RALGAPA1: variants seen among roughly 807,000 people sequenced by gnomAD.
RALGAPA1 encodes Ral GTPase activating protein catalytic subunit alpha 1, also known as ral GTPase-activating protein subunit alpha-1.
A neutral mutation model predicts 269.6 loss-of-function variants in RALGAPA1; 52 were observed. That is an observed-to-expected ratio of 0.19 (90% CI 0.15 to 0.24). The LOEUF (loss-of-function observed/expected upper bound fraction) is 0.24, where lower values mean the gene tolerates loss of function less well. RALGAPA1 is among the 10% of genes least tolerant of loss of function. The pLI, the probability that RALGAPA1 is intolerant of heterozygous loss-of-function variation, is 1.00. For missense variants in RALGAPA1, 1,917 were observed against 3,013.9 expected, an observed-to-expected ratio of 0.64 and a Z score of 8.52; for synonymous variants, 817 against 1,008.3, an observed-to-expected ratio of 0.81 and a Z score of 3.60.
At chr14:35,540,640 A>C (rs1002889175) in intron 41 of RALGAPA1, among the ~76,000 whole-genome samples, 2 of 152,228 alleles carry the variant, frequency 1.3e-5, no homozygotes, top group African/African-American at 4.8e-5. Context: ...TCACATTAAA[A>C]ATAAAAGTCC....
At chr14:35,722,943 C>T in intron 15 of RALGAPA1, 84 bp downstream of exon 15, 4 of 670,902 alleles carry the variant, frequency 6.0e-6, no homozygotes, top group East Asian at 2.6e-5. Context: ...CTTATTTCAC[C>T]CTCACCCCTC....
intron 1 of RALGAPA1, among the ~76,000 whole-genome samples, chr14:35,793,386 C>T (rs2141825386): frequency 6.6e-6 from 1 of 152,034 alleles, no homozygotes; most frequent in South Asian, 2.1e-4. Context: ...TACAGGCATG[C>T]ACCACCATGC....
intron 1 of RALGAPA1, among the ~76,000 whole-genome samples, chr14:35,793,595 A>AAC (rs33911524): frequency 0.24 from 36,169 of 150,112 alleles, 4,976 homozygotes; most frequent in East Asian, 0.47. Context: ...TACACACACA[A>AAC]ACACACACAC....
chr14:35,659,274 A>T, intron 27 of RALGAPA1, 78 bp from the exon 28 acceptor site: 1 of 1,055,084 alleles, frequency 9.5e-7, no homozygotes. Context: ...TTAAGTGGTT[A>T]TTAAAGCAGT....
intron 35 of RALGAPA1, among the ~76,000 whole-genome samples, chr14:35,606,049 T>C (rs2059578212): frequency 2.0e-5 from 3 of 152,220 alleles, no homozygotes; most frequent in South Asian, 2.1e-4. Flanking sequence ...TTAAGAGTTG[T>C]CTGTTTTGCA....
intron 2 of RALGAPA1, 91 bp from the exon 3 acceptor site, chr14:35,775,146 C>A: frequency 1.4e-6 from 1 of 724,394 alleles, no homozygotes; most frequent in South Asian, 1.8e-5. Context: ...TTTTTTTTTT[C>A]CCAGCAATTA....
At chr14:35,742,688 G>A in intron 10 of RALGAPA1, 123 bp from the exon 11 acceptor site, 1 of 678,788 alleles carries the variant, frequency 1.5e-6, no homozygotes, top group Non-Finnish European at 2.6e-6. Flanking sequence ...GCAAAACAAT[G>A]ACATAAAACA....
chr14:35,626,843 T>C (rs527899699), intron 34 of RALGAPA1, among the ~76,000 whole-genome samples: 1 of 152,212 alleles, frequency 6.6e-6, no homozygotes, highest in Non-Finnish European at 1.5e-5. Context: ...AAAAATGAGC[T>C]ATAATTTCTA....
chr14:35,605,870 A>G (rs1223550404), intron 35 of RALGAPA1, among the ~76,000 whole-genome samples, 161 bp from the exon 36 acceptor site: 1 of 152,224 alleles, frequency 6.6e-6, no homozygotes, highest in Non-Finnish European at 1.5e-5. Flanking sequence ...TAAGTAAAAA[A>G]TTACTACAAA....
intron 41 of RALGAPA1, chr14:35,542,192 C>T (rs2054072216): frequency 3.0e-6 from 1 of 329,646 alleles, no homozygotes; most frequent in Non-Finnish European, 5.8e-6. Flanking sequence ...GTGGTAGCCA[C>T]AGCCACATTA....
rs759588666 is a variant in RALGAPA1 at position 35,787,744 on chromosome 14, T to TA, written c.107-12000dup. 4.3e-3 allele frequency among the ~76,000 whole-genome samples: 603 copies of TA among 139,566 alleles called. 6 individuals are homozygous for TA. The highest frequency in any genetic ancestry group is 0.015 in the Middle Eastern group (4 of 274). 91.6% of individuals were successfully genotyped at this position (139,566 alleles called of 152,430 possible). On this transcript the variant is annotated intron_variant, in intron 1 of 41. Transcript: ENST00000680220. ...GTACATGTCACCACACCCAGCTAATTAAAAAAAAAAAAAAGTTGTAGAGAT... is the reference window on the plus strand; with the variant it reads ...GTACATGTCACCACACCCAGCTAATTAAAAAAAAAAAAAAAGTTGTAGAGAT...
In RALGAPA1 at chr14:35,659,179, A is replaced by G. The variant is rs1249305717; in HGVS notation, c.5346T>C (p.Thr1782=). The G allele has an allele frequency of 1.9e-6, 3 of 1,610,808 alleles. No homozygotes were observed. Among genetic ancestry groups the G allele is most frequent in the East Asian group, 2.2e-5 (1 of 44,768 alleles). ...FTDVKELIIK[T]VLSSARDEPS... Reference sequence around the variant, plus strand: ...GCTCATCTCTTGCCGAGCTTAATACAGTTTTGATTATAAGTTCCTAAAATA... The same window carrying G: ...GCTCATCTCTTGCCGAGCTTAATACGGTTTTGATTATAAGTTCCTAAAATA... The change falls in exon 28 of 42, where the codon ACT becomes ACC. Residue 1782 remains threonine (T), a synonymous_variant. Coordinates refer to ENST00000680220, the MANE Select transcript of RALGAPA1 (RefSeq NM_001346249.2).
intron 18 of RALGAPA1, among the ~76,000 whole-genome samples, chr14:35,687,332 A>G (rs926263504): frequency 1.3e-5 from 2 of 152,178 alleles, no homozygotes; most frequent in South Asian, 4.1e-4. Flanking sequence ...TATGGTATCT[A>G]TGTCACTACT....
At chr14:35,555,150 AT>A (rs1331799835) in intron 39 of RALGAPA1, among the ~76,000 whole-genome samples, 1 of 152,228 alleles carries the variant, frequency 6.6e-6, no homozygotes. Flanking sequence ...AGCACAATGT[AT>A]AAATATGTAA....
chr14:35,545,210 T>C (rs2139034835), intron 41 of RALGAPA1, among the ~76,000 whole-genome samples: 1 of 152,272 alleles, frequency 6.6e-6, no homozygotes, highest in African/African-American at 2.4e-5. Context: ...GTAGTTTAAA[T>C]AACTTTTAAA....
chr14:35,767,090 GTC>G (rs1030518339), intron 4 of RALGAPA1: 14 of 312,106 alleles, frequency 4.5e-5, no homozygotes, highest in Non-Finnish European at 7.4e-5. Flanking sequence ...TGAAAAGTTA[GTC>G]TCTGTCTCTC....
At chr14:35,562,563 T>G (rs1358821618) in intron 39 of RALGAPA1, among the ~76,000 whole-genome samples, 2 of 152,292 alleles carry the variant, frequency 1.3e-5, no homozygotes, top group East Asian at 3.9e-4. Flanking sequence ...AAAAAACCCT[T>G]GTATGTGTGC....
At chr14:35,791,862 G>A (rs2076195578) in intron 1 of RALGAPA1, among the ~76,000 whole-genome samples, 1 of 119,556 alleles carries the variant, frequency 8.4e-6, no homozygotes. Flanking sequence ...GCCGAGATCT[G>A]CCACTGCACT....
chr14:35,569,165 G>C (rs10142189), intron 39 of RALGAPA1, among the ~76,000 whole-genome samples: 1 of 152,004 alleles, frequency 6.6e-6, no homozygotes, highest in Admixed American at 6.5e-5. Context: ...GTCAATTTTC[G>C]TCAAAAGAAG....
Sources: allele counts gnomAD v4.1 joint callset (sites outside exome capture counted in the v4.1 genomes callset), GRCh38; gene constraint gnomAD v4.1.1; transcripts MANE v1.5; gene names NCBI Gene and HGNC (gene_info 2026-07-23, HGNC 2026-07-21).